NIPAL2: variants seen among roughly 807,000 people sequenced by gnomAD.
NIPAL2 encodes the protein NIPA like domain containing 2, also known as NIPA-like protein 2.
A neutral mutation model predicts 48.9 loss-of-function variants in NIPAL2; 43 were observed. That is an observed-to-expected ratio of 0.88 (90% confidence interval 0.69 to 1.13). The LOEUF is 1.13. Ranked by LOEUF, NIPAL2 falls within the 50% of genes most tolerant of loss-of-function variation. The pLI, the probability that NIPAL2 is intolerant of heterozygous loss-of-function variation, is 0.00. For missense variants in NIPAL2, 446 were observed against 461.4 expected, an observed-to-expected ratio of 0.97 and a Z score of 0.31; for synonymous variants, 167 against 174.6, an observed-to-expected ratio of 0.96 and a Z score of 0.34.
intron 1 of NIPAL2, among the ~76,000 whole-genome samples, chr8:98,255,532 T>C (rs2130836502): frequency 6.6e-6 from 1 of 152,334 alleles, no homozygotes; most frequent in South Asian, 2.1e-4. Context: ...GCATGAAATT[T>C]AGTATTTAGA....
chr8:98,222,901 A>C (rs975296748), intron 4 of NIPAL2, among the ~76,000 whole-genome samples: 12 of 152,218 alleles, frequency 7.9e-5, no homozygotes, highest in African/African-American at 2.7e-4. Context: ...AGATCAGAAT[A>C]TGTGCTACGA....
At chr8:98,253,017 A>G (rs1189844419) in intron 2 of NIPAL2, among the ~76,000 whole-genome samples, 4 of 151,546 alleles carry the variant, frequency 2.6e-5, no homozygotes, top group African/African-American at 9.7e-5. Context: ...CTTTTGTCCA[A>G]CGTATCCATG....
intron 1 of NIPAL2, among the ~76,000 whole-genome samples, chr8:98,255,678 T>C (rs1813850528): frequency 6.6e-6 from 1 of 152,246 alleles, no homozygotes; most frequent in Admixed American, 6.5e-5. Flanking sequence ...TTTTGATCAC[T>C]ATCCCTCATG....
rs76001404 is a variant in NIPAL2 at position 98,275,261 on chromosome 8, T to A, written c.135+18742A>T. Among the ~76,000 whole-genome samples, 363 of 152,116 alleles carry A rather than the reference T, an allele frequency of 2.4e-3. 11 individuals are homozygous for A. In the East Asian group the frequency reaches 0.063, roughly 26 times the overall value. ...CTTGTATTACCCCGTTATAGATATA[T>A]CCTCTTTCCCTCACCATTCCTAACC... On this transcript the variant is annotated intron_variant, in intron 1 of 10. Coordinates refer to ENST00000430223, the MANE Select transcript of NIPAL2 (RefSeq NM_001321635.2).
At chr8:98,293,679 G>A (rs938951147) in intron 1 of NIPAL2, among the ~76,000 whole-genome samples, 3 of 152,202 alleles carry the variant, frequency 2.0e-5, no homozygotes, top group Non-Finnish European at 2.9e-5. Flanking sequence ...TTCCTTCCGG[G>A]AGAAGAGGGC....
chr8:98,256,082 C>A (rs1813873527), intron 1 of NIPAL2, among the ~76,000 whole-genome samples: 1 of 152,028 alleles, frequency 6.6e-6, no homozygotes. Flanking sequence ...GTGGCATGAC[C>A]TCGGCTCACT....
intron 4 of NIPAL2, among the ~76,000 whole-genome samples, chr8:98,234,881 A>G (rs997624774): frequency 6.6e-6 from 1 of 152,006 alleles, no homozygotes; most frequent in Non-Finnish European, 1.5e-5. Flanking sequence ...AGTCCATACA[A>G]CTTCCCCAAA....
Position 98,208,843 on chromosome 8 carries a change from CTTTTTT to C in NIPAL2, c.655+3556_655+3561del, listed in dbSNP as rs563063926. ...TCTGACTACCCTCACTTGCTATTTTCTTTTTTTTAATTCCATTTTTTATCAATCACA... is the reference window on the plus strand; with the variant it reads ...TCTGACTACCCTCACTTGCTATTTTCTTAATTCCATTTTTTATCAATCACA... On this transcript the variant is annotated intron_variant, in intron 6 of 10. Transcript: ENST00000430223. Among the ~76,000 whole-genome samples the C allele has an allele frequency of 8.5e-5, 13 of 152,140 alleles. No individual in the cohort carries two copies. In the East Asian group the frequency reaches 2.5e-3, roughly 29 times the overall value.
chr8:98,218,179 C>T (rs943512281), intron 5 of NIPAL2, among the ~76,000 whole-genome samples: 3 of 152,170 alleles, frequency 2.0e-5, no homozygotes, highest in East Asian at 3.8e-4. Flanking sequence ...ATTTAACTCA[C>T]GCCATTAATT....
Position 98,231,654 on chromosome 8 carries a change from A to T in NIPAL2, c.436+4501T>A, listed in dbSNP as rs570716393. The T allele has an allele frequency of 4.0e-5, 6 of 150,802 alleles. No homozygotes were observed. The East Asian group carries it at 1.2e-3, about 30-fold the overall frequency. 9.3% of individuals were successfully genotyped at this position (150,802 alleles called of 1,614,324 possible). On this transcript the variant is annotated intron_variant, in intron 4 of 10. Transcript: ENST00000430223. The stretch of plus-strand genomic sequence containing the variant: ...CATTAAAATAATTAATCCACTAAGA[A>T]TCAGAGCACAGTCCAAACCTGTCAT...
chr8:98,235,810 T>C (rs968465123), intron 4 of NIPAL2, among the ~76,000 whole-genome samples: 3 of 151,646 alleles, frequency 2.0e-5, no homozygotes, highest in African/African-American at 7.2e-5. Context: ...ATTATAATAA[T>C]AAAATGTTAT....
At chr8:98,198,959 C>CTTTT (rs1054384118) in intron 8 of NIPAL2, among the ~76,000 whole-genome samples, 1 of 140,780 alleles carries the variant, frequency 7.1e-6, no homozygotes, top group African/African-American at 2.6e-5. Context: ...TTTTTCTTTT[C>CTTTT]TTTTTTTTTT....
At chr8:98,272,807 C>T (rs940264245) in intron 1 of NIPAL2, among the ~76,000 whole-genome samples, 1 of 151,930 alleles carries the variant, frequency 6.6e-6, no homozygotes, top group Non-Finnish European at 1.5e-5. Context: ...TGCTATTTTA[C>T]ACAATTCTAT....
chr8:98,251,761 G>C (rs1196626545), intron 3 of NIPAL2: 1 of 152,068 alleles, frequency 6.6e-6, no homozygotes, highest in Non-Finnish European at 1.5e-5. Flanking sequence ...CTATCAATTT[G>C]TTTCTCTTTC....
intron 3 of NIPAL2, 146 bp downstream of exon 3, chr8:98,252,317 T>G: frequency 1.3e-6 from 1 of 772,932 alleles, no homozygotes. Context: ...ATCGCTGAAA[T>G]TAGCAGAATA....
chr8:98,220,468 A>G (rs1811799838), intron 5 of NIPAL2, among the ~76,000 whole-genome samples: 1 of 150,266 alleles, frequency 6.7e-6, no homozygotes. Context: ...TGGAGTGCAG[A>G]GCTGCAATCA....
At chr8:98,211,089 C>G (rs552289872) in intron 6 of NIPAL2, among the ~76,000 whole-genome samples, 18 of 152,180 alleles carry the variant, frequency 1.2e-4, no homozygotes, top group Non-Finnish European at 2.5e-4. Context: ...ATAATCCTTA[C>G]AGCTGTACTA....
intron 1 of NIPAL2, among the ~76,000 whole-genome samples, chr8:98,275,345 C>T (rs1815400690): frequency 6.6e-6 from 1 of 152,134 alleles, no homozygotes; most frequent in South Asian, 2.1e-4. Context: ...AATATTGTTA[C>T]ATACCTAGAA....
intron 1 of NIPAL2, among the ~76,000 whole-genome samples, chr8:98,293,527 C>T (rs1816601475): frequency 6.6e-6 from 1 of 152,228 alleles, no homozygotes; most frequent in African/African-American, 2.4e-5. Flanking sequence ...CAGGGACACA[C>T]GCAGGGCATC....
Sources: allele counts gnomAD v4.1 joint callset (sites outside exome capture counted in the v4.1 genomes callset), GRCh38; gene constraint gnomAD v4.1.1; transcripts MANE v1.5; gene names NCBI Gene and HGNC (gene_info 2026-07-23, HGNC 2026-07-21).